The following UTP4 variants were observed in gnomAD, a reference collection of about 807,000 sequenced individuals.
UTP4 encodes the protein UTP4 small subunit processome component.
In UTP4, 45 loss-of-function variants were observed where a neutral mutation model predicts 82.4. The ratio of observed to expected loss-of-function variants is 0.55; its 90% CI spans 0.43 to 0.70. The LOEUF (loss-of-function observed/expected upper bound fraction) is 0.70, where lower values mean the gene tolerates loss of function less well. Ranked by LOEUF, UTP4 falls within the 30% of genes least tolerant of loss-of-function variation. The pLI, the probability that UTP4 is intolerant of heterozygous loss-of-function variation, is 0.00. For missense variants in UTP4, 819 were observed against 858.3 expected (o/e 0.95, Z 0.57); for synonymous variants, 348 against 300.3 (o/e 1.16, Z -1.64).
intron 6 of UTP4, among the ~76,000 whole-genome samples, chr16:69,146,659 G>A (rs1425300838): frequency 2.6e-5 from 4 of 151,774 alleles, no homozygotes; most frequent in South Asian, 2.1e-4. Flanking sequence ...TCAGGAGTTC[G>A]AGACCAGCCT....
chr16:69,144,128 T>A (rs1214062019), intron 6 of UTP4, among the ~76,000 whole-genome samples: 1 of 152,056 alleles, frequency 6.6e-6, no homozygotes, highest in East Asian at 1.9e-4. Flanking sequence ...CCTCAGGTGA[T>A]CCACCCACCT....
intron 6 of UTP4, among the ~76,000 whole-genome samples, chr16:69,148,637 C>T (rs1331862712): frequency 1.4e-5 from 2 of 147,424 alleles, no homozygotes; most frequent in Admixed American, 6.8e-5. Context: ...TTTTGAGACA[C>T]GGTCTTGCTC....
At chr16:69,156,563 A>G (rs531844149) in intron 11 of UTP4, among the ~76,000 whole-genome samples, 2 of 150,668 alleles carry the variant, frequency 1.3e-5, no homozygotes, top group South Asian at 4.2e-4. Flanking sequence ...GGTTCAAGCC[A>G]TTCTCCTGCC....
chr16:69,153,462 A>G, intron 8 of UTP4, 122 bp from the exon 9 acceptor site: 3 of 739,508 alleles, frequency 4.1e-6, no homozygotes, highest in Non-Finnish European at 7.2e-6. Flanking sequence ...TACTTAGGAA[A>G]TATTTATCAA....
intron 5 of UTP4, among the ~76,000 whole-genome samples, chr16:69,142,577 C>T (rs1962989056): frequency 6.6e-6 from 1 of 152,138 alleles, no homozygotes; most frequent in African/African-American, 2.4e-5. Context: ...GTCCCCAATT[C>T]CTGAGTCCAA....
At chr16:69,152,085 C>T (rs1303219526) in intron 8 of UTP4, among the ~76,000 whole-genome samples, 2 of 151,044 alleles carry the variant, frequency 1.3e-5, no homozygotes, top group African/African-American at 4.9e-5. Context: ...ATATTTAATG[C>T]ATATGGTTTG....
At chr16:69,135,649 G>A (rs540661309) in intron 2 of UTP4, among the ~76,000 whole-genome samples, 1 of 152,268 alleles carries the variant, frequency 6.6e-6, no homozygotes, top group South Asian at 2.1e-4. Flanking sequence ...TCAGGAGGTT[G>A]AGGCTACATT....
At chr16:69,138,235 C>CTTTTTTTTTTTTTTTTTTT (rs535515310) in intron 4 of UTP4, among the ~76,000 whole-genome samples, 1 of 139,330 alleles carries the variant, frequency 7.2e-6, no homozygotes, top group Non-Finnish European at 1.6e-5. Context: ...TCTTTTCTTT[C>CTTTTTTTTTTTTTTTTTTT]TTTTTTTTTT....
In UTP4 at chr16:69,155,962, A is replaced by G. The variant is rs1963399502; in HGVS notation, c.1256A>G (p.Asn419Ser). ...TCTCGGTTTTTTCTCTATCGGCTGA[A>G]TTATGAACATGACAACATAAGCCTC... ...TVSRFFLYRL[N>S]YEHDNISLKR... is the part of the protein sequence containing the mutation. The change falls in exon 11 of 17, where the codon AAT (asparagine) becomes AGT (serine). Residue 419 changes from asparagine (N) to serine (S), a missense_variant. Physicochemically the swap from Asn to Ser is conservative, Grantham distance 46. Coordinates refer to ENST00000314423, the MANE Select transcript of UTP4 (RefSeq NM_032830.3). 1 of 1,614,028 alleles carries G rather than the reference A, an allele frequency of 6.2e-7. No individual in the cohort carries two copies. The highest frequency in any genetic ancestry group is 1.3e-5 in the African/African-American group (1 of 74,928).
intron 16 of UTP4, 86 bp from the exon 17 acceptor site, chr16:69,168,735 C>A: frequency 1.2e-6 from 1 of 854,896 alleles, no homozygotes; most frequent in Non-Finnish European, 2.1e-6. Flanking sequence ...AACCTTTTAG[C>A]TTAGATGGTG....
At chr16:69,146,778 C>T (rs895569860) in intron 6 of UTP4, among the ~76,000 whole-genome samples, 41 of 150,848 alleles carry the variant, frequency 2.7e-4, no homozygotes, top group African/African-American at 9.5e-4. Flanking sequence ...GGGTGGATCA[C>T]GAGGTCAGGA....
intron 6 of UTP4, among the ~76,000 whole-genome samples, chr16:69,145,568 T>A (rs1001423272): frequency 6.6e-6 from 1 of 151,950 alleles, no homozygotes; most frequent in Non-Finnish European, 1.5e-5. Context: ...TTTTTCTTTT[T>A]CTTTTTTTTT....
intron 6 of UTP4, among the ~76,000 whole-genome samples, chr16:69,145,942 A>G (rs1217852594): frequency 6.6e-6 from 1 of 152,108 alleles, no homozygotes; most frequent in African/African-American, 2.4e-5. Context: ...ATCATGATTC[A>G]TACAAGTATG....
intron 2 of UTP4, among the ~76,000 whole-genome samples, chr16:69,134,420 T>C (rs1962752332): frequency 6.6e-6 from 1 of 151,844 alleles, no homozygotes; most frequent in African/African-American, 2.4e-5. Context: ...GGGAGAAAGA[T>C]AAGTGTACAG....
intron 6 of UTP4, among the ~76,000 whole-genome samples, chr16:69,147,622 T>G (rs1053262351): frequency 6.6e-6 from 1 of 152,230 alleles, no homozygotes; most frequent in Non-Finnish European, 1.5e-5. Context: ...ATTTTGGATT[T>G]TTTTTTGGAT....
Position 69,150,719 on chromosome 16 carries a change from C to T in UTP4, c.910+11C>T. 2.5e-6 allele frequency: 4 copies of T among 1,614,176 alleles called. No individual in the cohort carries two copies. The South Asian group carries it at 4.4e-5, about 18-fold the overall frequency. The stretch of plus-strand genomic sequence containing the variant: ...CGCTGATATCTGGAGGTGGGTTCCC[C>T]CTCTGGTGAGGCTGCTGCTTTACCC... On this transcript the variant is annotated intron_variant, in intron 7 of 16. Transcript: ENST00000314423.
rs765532644 is a variant in UTP4, at chr16:69,167,153, G to A, written c.1912G>A (p.Ala638Thr). The change falls in exon 16 of 17, where the codon GCT becomes ACT. Residue 638 changes from alanine (A) to threonine (T), a missense_variant. Ala to Thr is a moderately conservative substitution (Grantham distance 58, BLOSUM62 0). Coordinates refer to ENST00000314423, the MANE Select transcript of UTP4 (RefSeq NM_032830.3). ...NESDVIRRRT[A>T]HAFKISKIYK... ...ATCAGATGTCATCCGGAGGCGCACA[G>A]CTCATGCTTTTAAAATTTCTAAGAT... 3.1e-6 allele frequency: 5 copies of A among 1,612,934 alleles called. No individual in the cohort carries two copies. In the Admixed American group the frequency reaches 6.7e-5, roughly 21 times the overall value.
chr16:69,148,864 T>C (rs1963188829), intron 6 of UTP4, among the ~76,000 whole-genome samples: 2 of 152,124 alleles, frequency 1.3e-5, no homozygotes, highest in African/African-American at 4.8e-5. Flanking sequence ...CCTTCCAAAG[T>C]GCGGGATTAC....
chr16:69,137,123 C>G (rs1158137686), intron 3 of UTP4, among the ~76,000 whole-genome samples: 1 of 152,210 alleles, frequency 6.6e-6, no homozygotes, highest in South Asian at 2.1e-4. Flanking sequence ...ATTTCCCAAA[C>G]TGTGTTCTGT....
Sources: gnomAD v4.1 joint callset for allele counts (sites outside exome capture counted in the v4.1 genomes callset) on GRCh38, gnomAD v4.1.1 for gene constraint, MANE v1.5 for transcripts, NCBI Gene and HGNC (gene_info 2026-07-23, HGNC 2026-07-21) for gene names.